TMEM243: variants seen among roughly 807,000 people sequenced by gnomAD.
TMEM243 encodes MDR1 and mitochondrial taxol resistance associated.
In TMEM243, 20 loss-of-function variants were observed where a neutral mutation model predicts 15.0. That is an observed-to-expected ratio of 1.33 (90% CI 0.94 to 1.93). The LOEUF (loss-of-function observed/expected upper bound fraction) is 1.93. TMEM243 is among the 30% of genes most tolerant of loss of function. The pLI is 0.00. For synonymous variants in TMEM243, 72 were observed against 52.7 expected, an observed-to-expected ratio of 1.37 and a Z score of -1.59; for missense variants, 156 against 142.1, an observed-to-expected ratio of 1.10 and a Z score of -0.50.
chr7:87,196,507 T>A lies in TMEM243; in HGVS notation c.*129A>T. 1 of 960,880 alleles carries A rather than the reference T, an allele frequency of 1.0e-6. No individual in the cohort carries two copies. Among genetic ancestry groups the A allele is most frequent in the South Asian group, 1.6e-5 (1 of 61,026 alleles). The allele number at this position is 960,880 out of a possible 1,614,324, so 59.5% of individuals were successfully genotyped here. On this transcript the variant is annotated 3_prime_UTR_variant, in exon 4 of 4. Transcript: ENST00000257637. ...CTCCCTTGCAAGAGGGAATTAACATTTACAATTAACATGAAAATCATGTAT... is the reference window on the plus strand; with the variant it reads ...CTCCCTTGCAAGAGGGAATTAACATATACAATTAACATGAAAATCATGTAT...
At chr7:87,216,887 C>G (rs888878347) in intron 1 of TMEM243, 1 of 152,136 alleles carries the variant, frequency 6.6e-6, no homozygotes. Flanking sequence ...GAAGCATTAC[C>G]AGAGGAAACT....
Position 87,196,708 on chromosome 7 carries a change from A to G in TMEM243, c.285T>C (p.Ile95=). The change falls in exon 4 of 4, where the codon ATT becomes ATC. Residue 95 remains isoleucine (I), a synonymous_variant. Transcript: ENST00000257637. ...GDLEPKFRKL[I]YYIIFSIIML... ...TGATGATAGAAAATATGATATAGTA[A>G]ATTAGCTTTCTAAATTTCGGTTCTA... is the stretch of plus-strand genomic sequence containing the variant. 6.2e-7 allele frequency: 1 copy of G among 1,608,572 alleles called. No homozygotes were observed. Among genetic ancestry groups the G allele is most frequent in the Non-Finnish European group, 8.5e-7 (1 of 1,176,818 alleles).
At chr7:87,212,158 G>A (rs1475155527) in intron 1 of TMEM243, among the ~76,000 whole-genome samples, 1 of 152,176 alleles carries the variant, frequency 6.6e-6, no homozygotes, top group Non-Finnish European at 1.5e-5. Context: ...GAGAGTATCT[G>A]ACATTCAGTA....
intron 1 of TMEM243, among the ~76,000 whole-genome samples, chr7:87,212,826 C>T (rs1342375639): frequency 6.6e-6 from 1 of 152,080 alleles, no homozygotes; most frequent in African/African-American, 2.4e-5. Context: ...GTCCCTAGGG[C>T]TAAAAAGGCT....
At chr7:87,201,152 T>G (rs1801778730) in intron 1 of TMEM243, among the ~76,000 whole-genome samples, 1 of 152,248 alleles carries the variant, frequency 6.6e-6, no homozygotes, top group Non-Finnish European at 1.5e-5. Context: ...GATGAACTAT[T>G]TCGGACATGG....
chr7:87,208,901 A>T (rs996435881), intron 1 of TMEM243, among the ~76,000 whole-genome samples: 1 of 152,276 alleles, frequency 6.6e-6, no homozygotes, highest in African/African-American at 2.4e-5. Flanking sequence ...TGGCTGGGTG[A>T]TGGCCCTGGC....
chr7:87,203,265 C>T (rs913193629), intron 1 of TMEM243, among the ~76,000 whole-genome samples: 1 of 151,884 alleles, frequency 6.6e-6, no homozygotes, highest in African/African-American at 2.4e-5. Context: ...AAGACCAAGA[C>T]AAAATTTCGA....
chr7:87,208,428 T>G (rs1021274201), intron 1 of TMEM243, among the ~76,000 whole-genome samples: 1 of 152,222 alleles, frequency 6.6e-6, no homozygotes, highest in Non-Finnish European at 1.5e-5. Context: ...ATCCAGGTCA[T>G]GCTGATGCAA....
At chr7:87,220,467 G>T (rs11537791), upstream of TMEM243, 5 of 152,292 alleles carry the variant, frequency 3.3e-5, no homozygotes, top group African/African-American at 9.6e-5. Context: ...GCCCAGGAAC[G>T]CGGGCCAGAT....
chr7:87,212,959 G>C (rs1242744909), intron 1 of TMEM243, among the ~76,000 whole-genome samples: 2 of 152,226 alleles, frequency 1.3e-5, no homozygotes, highest in Non-Finnish European at 2.9e-5. Context: ...TTGACAGCCA[G>C]GCTCACAGAA....
chr7:87,198,844 G>T, intron 2 of TMEM243, 163 bp downstream of exon 2: 1 of 575,354 alleles, frequency 1.7e-6, no homozygotes, highest in South Asian at 2.2e-5. Flanking sequence ...ATTCAACCTG[G>T]GGGTGGGGCA....
intron 1 of TMEM243, among the ~76,000 whole-genome samples, chr7:87,217,352 C>T (rs912399198): frequency 1.3e-5 from 2 of 152,184 alleles, no homozygotes; most frequent in South Asian, 2.1e-4. Context: ...TTCTCAGTGT[C>T]CCCAGGATCC....
At chr7:87,198,097 A>G in intron 2 of TMEM243, 52 bp from the exon 3 acceptor site, 1 of 1,479,432 alleles carries the variant, frequency 6.8e-7, no homozygotes, top group Non-Finnish European at 9.3e-7. Context: ...AAGACTTGGT[A>G]ATTACCAACT....
chr7:87,200,049 TCA>T (rs1273023734), intron 1 of TMEM243, among the ~76,000 whole-genome samples: 4 of 152,048 alleles, frequency 2.6e-5, no homozygotes. Context: ...ACAGGAACAA[TCA>T]CAGAGCAGCA....
chr7:87,202,265 A>G, intron 1 of TMEM243, among the ~76,000 whole-genome samples: 1 of 152,208 alleles, frequency 6.6e-6, no homozygotes, highest in East Asian at 1.9e-4. Context: ...CTACCAGAGA[A>G]GTCAAAACCC....
At position 87,219,472 on chromosome 7, in the gene TMEM243, G is replaced by A. The variant is rs767961709; in HGVS notation, c.32C>T (p.Thr11Ile). 1 of 1,614,218 alleles carries A rather than the reference G, an allele frequency of 6.2e-7. No homozygotes were observed. The highest frequency in any genetic ancestry group is 8.5e-7 in the Non-Finnish European group (1 of 1,180,036). The change falls in exon 1 of 4, where the codon ACC becomes ATC. Residue 11 changes from threonine (T) to isoleucine (I), a missense_variant. By Grantham distance (89) the Thr-to-Ile change is moderately conservative. Transcript: ENST00000257637. MEDFATRTYG[T>I]SGLDNRPLFG... ...CAGAGGTCTGTTGTCCAGGCCACTG[G>A]TGCCGTAGGTCCTGGTAGCAAAGTC... is the stretch of plus-strand genomic sequence containing the variant.
chr7:87,196,698 T>C lies in TMEM243; in HGVS notation c.295A>G (p.Ile99Val), dbSNP rs768990718. ...PKFRKLIYYI[I>V]FSIIMLCICA... is the part of the protein sequence containing the mutation. ...ATACACAACATGATGATAGAAAATATGATATAGTAAATTAGCTTTCTAAAT... is the reference window on the plus strand; with the variant it reads ...ATACACAACATGATGATAGAAAATACGATATAGTAAATTAGCTTTCTAAAT... The change falls in exon 4 of 4, where the codon ATA becomes GTA. Residue 99 changes from isoleucine to valine, a missense_variant. Transcript: ENST00000257637. 18 of 1,609,364 alleles carry C rather than the reference T, an allele frequency of 1.1e-5. No individual in the cohort carries two copies. The highest frequency in any genetic ancestry group is 6.7e-5 in the African/African-American group (5 of 74,662).
rs7779369 is a variant in TMEM243 at position 87,214,533 on chromosome 7, G to A, written c.78+4893C>T. The stretch of plus-strand genomic sequence containing the variant: ...GCTGGAGTTAAGAATTGAGTAAGGC[G>A]TTGTGCTAGGGCTAAAAAGGCCACA... On this transcript the variant is annotated intron_variant, in intron 1 of 3. Coordinates refer to ENST00000257637, the MANE Select transcript of TMEM243 (RefSeq NM_024315.4). Among the ~76,000 whole-genome samples the A allele has an allele frequency of 9.8e-3, 1,494 of 152,228 alleles. 22 individuals carry two copies. The highest frequency in any genetic ancestry group is 0.034 in the African/African-American group (1,408 of 41,520).
At chr7:87,210,663 C>G (rs1802680465) in intron 1 of TMEM243, among the ~76,000 whole-genome samples, 1 of 152,220 alleles carries the variant, frequency 6.6e-6, no homozygotes, top group Non-Finnish European at 1.5e-5. Flanking sequence ...CACACTAATG[C>G]AAGGAGTGGG....
Sources: gnomAD v4.1 joint callset for allele counts (sites outside exome capture counted in the v4.1 genomes callset) on GRCh38, gnomAD v4.1.1 for gene constraint, MANE v1.5 for transcripts, NCBI Gene and HGNC (gene_info 2026-07-23, HGNC 2026-07-21) for gene names.